Variants in ZNF462 observed in about 807,000 individuals in gnomAD.
The protein encoded by ZNF462 is zinc finger protein 462.
In ZNF462, 10 loss-of-function variants were observed where a neutral mutation model predicts 201.9. The observed-to-expected ratio is 0.05, with a 90% confidence interval of 0.03 to 0.08. ZNF462 has a LOEUF of 0.08. Ranked by LOEUF, ZNF462 falls within the 10% of genes least tolerant of loss-of-function variation. The pLI is 1.00. For synonymous variants in ZNF462, 1,227 were observed against 1,193.3 expected, an observed-to-expected ratio of 1.03 and a Z score of -0.58; for missense variants, 2,523 against 3,168.3, an observed-to-expected ratio of 0.80 and a Z score of 4.89.
Position 106,954,624 on chromosome 9 carries a change from T to A in ZNF462, c.6427+15517T>A, listed in dbSNP as rs538625208. ...CTAGCCTAACTGGAATGAGCATCTC[T>A]CTCCTCATCCTTTTGCCTTTGTTCA... On this transcript the variant is annotated intron_variant, in intron 7 of 12. Coordinates refer to ENST00000277225, the MANE Select transcript of ZNF462 (RefSeq NM_021224.6). The surrounding 1 kb of genome is among the most constrained non-coding windows in gnomAD (Gnocchi z 4.0). 6.6e-6 allele frequency among the ~76,000 whole-genome samples: 1 copy of A among 152,194 alleles called. No homozygotes were observed. Among genetic ancestry groups the A allele is most frequent in the East Asian group, 1.9e-4 (1 of 5,162 alleles).
At chr9:106,936,126 G>C (rs1340907621) in intron 6 of ZNF462, among the ~76,000 whole-genome samples, 2 of 152,112 alleles carry the variant, frequency 1.3e-5, no homozygotes, top group African/African-American at 4.8e-5. Context: ...CAGCTGTGCT[G>C]GTCTCTATCA....
chr9:107,008,221 C>T lies in ZNF462; in HGVS notation c.7190-1324C>T, dbSNP rs773737049. Among the ~76,000 whole-genome samples, 3 of 152,140 alleles carry T rather than the reference C, an allele frequency of 2.0e-5. No individual in the cohort carries two copies. The highest frequency in any genetic ancestry group is 2.9e-5 in the Non-Finnish European group (2 of 68,026). ...GATAATCCCTGCTAAGGAATTAATGCGCAGAGCAGATGGTGCTGTCTCATT... is the reference window on the plus strand; with the variant it reads ...GATAATCCCTGCTAAGGAATTAATGTGCAGAGCAGATGGTGCTGTCTCATT... On this transcript the variant is annotated intron_variant, in intron 11 of 12. Transcript: ENST00000277225. The surrounding 1 kb of genome is among the most constrained non-coding windows in gnomAD (Gnocchi z 4.8).
At chr9:106,899,792 C>T (rs1022911930) in intron 1 of ZNF462, among the ~76,000 whole-genome samples, 1 of 151,974 alleles carries the variant, frequency 6.6e-6, no homozygotes, top group Non-Finnish European at 1.5e-5. Flanking sequence ...TGCTTAAATT[C>T]CTTTAGGAGG....
chr9:106,955,175 C>G (rs1831519575), intron 7 of ZNF462, among the ~76,000 whole-genome samples: 1 of 152,104 alleles, frequency 6.6e-6, no homozygotes, highest in Non-Finnish European at 1.5e-5. Context: ...ATCTGATTAT[C>G]TTTGTATCTA....
rs1829919736 is a variant in ZNF462 at position 106,919,895 on chromosome 9, G to T, written c.-30-3459G>T. On this transcript the variant is annotated intron_variant, in intron 1 of 12. Coordinates refer to ENST00000277225, the MANE Select transcript of ZNF462 (RefSeq NM_021224.6). The surrounding 1 kb of genome is among the most constrained non-coding windows in gnomAD (Gnocchi z 4.5). Reference sequence around the variant, plus strand: ...TGTTTGATATGTAGATTCATCTCATGACCTTTTGAAATAGACTCTTTTTAG... The same window carrying T: ...TGTTTGATATGTAGATTCATCTCATTACCTTTTGAAATAGACTCTTTTTAG... Among the ~76,000 whole-genome samples, 1 of 152,178 alleles carries T rather than the reference G, an allele frequency of 6.6e-6. No homozygotes were observed. The highest frequency in any genetic ancestry group is 2.1e-4 in the South Asian group (1 of 4,830).
At chr9:106,952,315 A>G (rs1831388063) in intron 7 of ZNF462, among the ~76,000 whole-genome samples, 1 of 152,248 alleles carries the variant, frequency 6.6e-6, no homozygotes, top group Admixed American at 6.5e-5. Flanking sequence ...AGATAACACA[A>G]TGGAAGTACT....
In ZNF462 at chr9:106,938,072, A is replaced by G. The variant is rs759664383; in HGVS notation, c.6236-844A>G. Among the ~76,000 whole-genome samples, 2 of 152,238 alleles carry G rather than the reference A, an allele frequency of 1.3e-5. No individual in the cohort carries two copies. The highest frequency in any genetic ancestry group is 4.8e-5 in the African/African-American group (2 of 41,464). ...CCACTTCACACTCTTAGTTCTTAAAATGTAATTAATTTAACAGGTAATATA... is the reference window on the plus strand; with the variant it reads ...CCACTTCACACTCTTAGTTCTTAAAGTGTAATTAATTTAACAGGTAATATA... On this transcript the variant is annotated intron_variant, in intron 6 of 12. Coordinates refer to ENST00000277225, the MANE Select transcript of ZNF462 (RefSeq NM_021224.6). The surrounding 1 kb of genome is among the most constrained non-coding windows in gnomAD (Gnocchi z 4.4).
Position 106,865,720 on chromosome 9 carries a change from A to C in ZNF462, c.-31+2365A>C, listed in dbSNP as rs551186957. Among the ~76,000 whole-genome samples the C allele has an allele frequency of 3.3e-5, 5 of 152,340 alleles. No individual in the cohort carries two copies. The highest frequency in any genetic ancestry group is 2.1e-4 in the South Asian group (1 of 4,826). On this transcript the variant is annotated intron_variant, in intron 1 of 12. Transcript: ENST00000277225. This position sits in a 1 kb window ranked among gnomAD's most constrained non-coding sequence, Gnocchi z 4.1. ...GTCGCTATGGAAACAAATTTTAAAA[A>C]CATGATGTCAGTTGAGAAAACCTTA...
rs544148740 is a variant in ZNF462 at position 106,901,211 on chromosome 9, AAGATCAGTTGGCTGT to A, written c.-30-22141_-30-22127del. Among the ~76,000 whole-genome samples, 544 of 152,268 alleles carry A rather than the reference AAGATCAGTTGGCTGT, an allele frequency of 3.6e-3. 7 individuals are homozygous for A. The East Asian group carries it at 0.041, about 11-fold the overall frequency. ...CTTTATGTTTTTGTTTGCTTTGTTG[AAGATCAGTTGGCTGT>A]AAGTATTTGGGATTATTTCTGGGTT... On this transcript the variant is annotated intron_variant, in intron 1 of 12. Transcript: ENST00000277225.
chr9:106,871,597 A>G lies in ZNF462; in HGVS notation c.-31+8242A>G, dbSNP rs911881062. On this transcript the variant is annotated intron_variant, in intron 1 of 12. Coordinates refer to ENST00000277225, the MANE Select transcript of ZNF462 (RefSeq NM_021224.6). ...ATTTGGTACCTAACACATGTGAAATATGAAGACCAGTGCTCAGGTACACAT... is the reference window on the plus strand; with the variant it reads ...ATTTGGTACCTAACACATGTGAAATGTGAAGACCAGTGCTCAGGTACACAT... Among the ~76,000 whole-genome samples the G allele has an allele frequency of 6.6e-5, 10 of 152,322 alleles. No individual in the cohort carries two copies. The South Asian group carries it at 1.9e-3, about 28-fold the overall frequency.
rs150691671 is a variant in ZNF462, at chr9:106,924,536, G to T, written c.624G>T (p.Pro208=). The change falls in exon 3 of 13, where the codon CCG becomes CCT. Residue 208 remains proline (P), a synonymous_variant. Coordinates refer to ENST00000277225, the MANE Select transcript of ZNF462 (RefSeq NM_021224.6). The surrounding 1 kb of genome is among the most constrained non-coding windows in gnomAD (Gnocchi z 6.2). ...APAPMPDPVV[P]PVSLQDPCKE... is the part of the protein sequence containing the mutation. ...CTCCAATGCCAGACCCTGTGGTTCC[G>T]CCCGTATCACTGCAGGACCCCTGCA... 5 of 1,613,990 alleles carry T rather than the reference G, an allele frequency of 3.1e-6. No homozygotes were observed. The highest frequency in any genetic ancestry group is 1.3e-5 in the African/African-American group (1 of 75,010).
At chr9:106,887,849 G>A (rs62568586) in intron 1 of ZNF462, among the ~76,000 whole-genome samples, 1,785 of 152,180 alleles carry the variant, frequency 0.012, 31 homozygotes, top group Non-Finnish European at 0.012. Flanking sequence ...CATTTAGAAA[G>A]AAAGACTGAT....
At chr9:106,976,951 C>T (rs1827048416) in intron 9 of ZNF462, among the ~76,000 whole-genome samples, 1 of 152,132 alleles carries the variant, frequency 6.6e-6, no homozygotes, top group Admixed American at 6.5e-5. Flanking sequence ...TTGCCTTTAC[C>T]CACCAGGCGT....
chr9:106,964,008 CGTGTGT>C lies in ZNF462; in HGVS notation c.6428-7968_6428-7963del, dbSNP rs111450825. ...TTCTTTTTTAAGGCTAAATAATATT[CGTGTGT>C]GTGTGTGTGTGTGTGTGTGTGTGTG... On this transcript the variant is annotated intron_variant, in intron 7 of 12. Coordinates refer to ENST00000277225, the MANE Select transcript of ZNF462 (RefSeq NM_021224.6). Among the ~76,000 whole-genome samples, 560 of 146,748 alleles carry C rather than the reference CGTGTGT, an allele frequency of 3.8e-3. 1 individual carries two copies. The highest frequency in any genetic ancestry group is 5.0e-3 in the Non-Finnish European group (333 of 66,242).
Position 106,924,368 on chromosome 9 carries a change from C to T in ZNF462, c.456C>T (p.Ile152=), listed in dbSNP as rs1041948370. The part of the protein sequence containing the change: ...PPVPGSLNYN[I]MMHEGFGKVF... Reference sequence around the variant, plus strand: ...TCCCGGGATCCTTAAATTATAATATCATGATGCACGAGGGATTTGGAAAGG... The same window carrying T: ...TCCCGGGATCCTTAAATTATAATATTATGATGCACGAGGGATTTGGAAAGG... Residue 152 remains isoleucine, a synonymous_variant, in exon 3 of 13, where the codon ATC becomes ATT. Coordinates refer to ENST00000277225, the MANE Select transcript of ZNF462 (RefSeq NM_021224.6). The surrounding 1 kb of genome is among the most constrained non-coding windows in gnomAD (Gnocchi z 6.2). 1.9e-6 allele frequency: 3 copies of T among 1,614,172 alleles called. No homozygotes were observed. In the Admixed American group the frequency reaches 5.0e-5, roughly 27 times the overall value.
At chr9:106,898,858 T>C (rs1057046080) in intron 1 of ZNF462, among the ~76,000 whole-genome samples, 1 of 152,154 alleles carries the variant, frequency 6.6e-6, no homozygotes, top group African/African-American at 2.4e-5. Context: ...GAATCAGAGT[T>C]ACAAAAGCCA....
intron 1 of ZNF462, among the ~76,000 whole-genome samples, chr9:106,887,262 A>T (rs1828361639): frequency 6.6e-6 from 1 of 152,222 alleles, no homozygotes; most frequent in Admixed American, 6.5e-5. Flanking sequence ...CTGAGGAGTC[A>T]TTCATCTGTT....
intron 10 of ZNF462, among the ~76,000 whole-genome samples, chr9:106,994,798 G>C (rs1433658206): frequency 6.6e-6 from 1 of 152,046 alleles, no homozygotes; most frequent in African/African-American, 2.4e-5. Context: ...TTCTTTACCT[G>C]TGCCTTCGAA....
intron 7 of ZNF462, among the ~76,000 whole-genome samples, chr9:106,957,018 T>C (rs1831606862): frequency 6.6e-6 from 1 of 152,216 alleles, no homozygotes; most frequent in Non-Finnish European, 1.5e-5. Context: ...GTAGCACTTT[T>C]AATTTTCCTC....
Sources: gnomAD v4.1 joint callset for allele counts (sites outside exome capture counted in the v4.1 genomes callset) on GRCh38, gnomAD v4.1.1 for gene constraint, Gnocchi (gnomAD v3.1) non-coding constraint, MANE v1.5 for transcripts, NCBI Gene and HGNC (gene_info 2026-07-23, HGNC 2026-07-21) for gene names.